AUTS2: variants seen among roughly 807,000 people sequenced by gnomAD.
The protein encoded by AUTS2 is activator of transcription and developmental regulator AUTS2.
In AUTS2, 17 loss-of-function variants were observed where a neutral mutation model predicts 112.4. That is an observed-to-expected ratio of 0.15 (90% CI 0.10 to 0.23). AUTS2 has a LOEUF of 0.23. Among genes scored for constraint, AUTS2 ranks in the 10% least tolerant of loss-of-function variants. The pLI, the probability that AUTS2 is intolerant of heterozygous loss-of-function variation, is 1.00. For missense variants in AUTS2, 1,510 were observed against 1,701.6 expected (o/e 0.89, Z 1.98); for synonymous variants, 751 against 702.7 (o/e 1.07, Z -1.09).
intron 1 of AUTS2, among the ~76,000 whole-genome samples, chr7:69,719,202 C>T (rs977652527): frequency 6.6e-6 from 1 of 152,150 alleles, no homozygotes; most frequent in Admixed American, 6.5e-5. Flanking sequence ...TCTCTGGGGT[C>T]ATATTGAATA....
intron 4 of AUTS2, among the ~76,000 whole-genome samples, chr7:70,269,631 A>C (rs1787592077): frequency 6.6e-6 from 1 of 152,240 alleles, no homozygotes; most frequent in Non-Finnish European, 1.5e-5. Context: ...TTCTTAGAGA[A>C]GATTAGATGC....
At chr7:70,606,594 C>T (rs1254528304) in intron 5 of AUTS2, among the ~76,000 whole-genome samples, 13 of 152,142 alleles carry the variant, frequency 8.5e-5, no homozygotes, top group South Asian at 4.1e-4. Flanking sequence ...GACGTGGTGG[C>T]TCACGCCTGT....
At chr7:70,342,495 T>G (rs1791312018) in intron 4 of AUTS2, among the ~76,000 whole-genome samples, 2 of 152,134 alleles carry the variant, frequency 1.3e-5, no homozygotes, top group Admixed American at 6.6e-5. Flanking sequence ...CCAGTAGAAC[T>G]TCCCATGATG....
At chr7:70,703,555 T>A (rs998525255) in intron 6 of AUTS2, among the ~76,000 whole-genome samples, 1 of 151,146 alleles carries the variant, frequency 6.6e-6, no homozygotes, top group Non-Finnish European at 1.5e-5. Context: ...ATAATGCAGT[T>A]GACTGTGGAA....
chr7:69,910,040 CT>C (rs536596896), intron 2 of AUTS2, among the ~76,000 whole-genome samples: 77 of 152,290 alleles, frequency 5.1e-4, no homozygotes, highest in African/African-American at 1.7e-3. Flanking sequence ...TTGCATGGTA[CT>C]TTGTGAAACT....
intron 2 of AUTS2, among the ~76,000 whole-genome samples, chr7:69,907,588 G>A (rs1254363229): frequency 2.0e-5 from 3 of 152,076 alleles, no homozygotes; most frequent in African/African-American, 7.2e-5. Flanking sequence ...CATTGTTTAG[G>A]CAATAATTAC....
At chr7:69,923,916 C>T (rs1268440421) in intron 2 of AUTS2, among the ~76,000 whole-genome samples, 1 of 152,128 alleles carries the variant, frequency 6.6e-6, no homozygotes, top group Non-Finnish European at 1.5e-5. Context: ...TTCTTTCCTC[C>T]TAATCTGGGT....
intron 2 of AUTS2, among the ~76,000 whole-genome samples, chr7:69,912,111 C>T (rs377559242): frequency 3.3e-5 from 5 of 152,166 alleles, no homozygotes; most frequent in Admixed American, 1.3e-4. Flanking sequence ...AGGGGGCTGG[C>T]GTGTCAATGC....
At chr7:70,100,130 T>C (rs1804408055) in intron 2 of AUTS2, among the ~76,000 whole-genome samples, 1 of 152,252 alleles carries the variant, frequency 6.6e-6, no homozygotes, top group Admixed American at 6.5e-5. Flanking sequence ...GTCTTCAGTA[T>C]TCCAGAAATA....
intron 6 of AUTS2, among the ~76,000 whole-genome samples, chr7:70,758,521 C>T (rs1789363086): frequency 1.3e-5 from 2 of 152,176 alleles, no homozygotes; most frequent in Admixed American, 6.5e-5. Context: ...ATGCAATAAA[C>T]TCACCCTTTT....
At chr7:70,000,036 A>G (rs1244888161) in intron 2 of AUTS2, among the ~76,000 whole-genome samples, 2 of 152,242 alleles carry the variant, frequency 1.3e-5, no homozygotes, top group Non-Finnish European at 2.9e-5. Flanking sequence ...GACTGGATGC[A>G]GTTTTCTGAA....
intron 5 of AUTS2, among the ~76,000 whole-genome samples, chr7:70,618,459 A>G (rs1804495388): frequency 6.6e-6 from 1 of 152,114 alleles, no homozygotes; most frequent in Non-Finnish European, 1.5e-5. Context: ...TTCTCCTCTG[A>G]CCCTCATTAA....
chr7:69,666,907 A>T (rs1250799046), intron 1 of AUTS2, among the ~76,000 whole-genome samples: 1 of 152,164 alleles, frequency 6.6e-6, no homozygotes, highest in East Asian at 1.9e-4. Context: ...ATCCCCAAAA[A>T]CAAAACAAAA....
intron 6 of AUTS2, among the ~76,000 whole-genome samples, chr7:70,721,021 C>G (rs1786620356): frequency 6.6e-6 from 1 of 151,958 alleles, no homozygotes; most frequent in African/African-American, 2.4e-5. Flanking sequence ...TGGATGATTT[C>G]AGGCAAAAAT....
At chr7:69,969,330 G>A (rs537520653) in intron 2 of AUTS2, among the ~76,000 whole-genome samples, 77 of 152,204 alleles carry the variant, frequency 5.1e-4, no homozygotes, top group African/African-American at 1.7e-3. Context: ...TATTCCTTTA[G>A]CAACCAAACA....
chr7:70,428,358 G>T (rs1795517084), intron 4 of AUTS2, among the ~76,000 whole-genome samples: 1 of 152,092 alleles, frequency 6.6e-6, no homozygotes, highest in Admixed American at 6.5e-5. Flanking sequence ...TGGGCAGCTG[G>T]GCAGGGGATG....
intron 1 of AUTS2, among the ~76,000 whole-genome samples, chr7:69,688,996 T>C (rs962686783): frequency 1.3e-5 from 2 of 152,246 alleles, no homozygotes; most frequent in African/African-American, 4.8e-5. Flanking sequence ...TTTTTGTACC[T>C]GAATGAATCC....
chr7:69,846,909 C>T (rs1338106425), intron 1 of AUTS2, among the ~76,000 whole-genome samples: 6 of 152,094 alleles, frequency 3.9e-5, no homozygotes, highest in Non-Finnish European at 7.4e-5. Flanking sequence ...TTAATAATTC[C>T]CATTTTACAG....
At chr7:70,542,817 C>T (rs992763983) in intron 5 of AUTS2, among the ~76,000 whole-genome samples, 17 of 152,170 alleles carry the variant, frequency 1.1e-4, no homozygotes, top group Non-Finnish European at 1.5e-5. Context: ...TTCTGGTGCC[C>T]CAAGCTGACT....
Sources: allele counts gnomAD v4.1 joint callset (sites outside exome capture counted in the v4.1 genomes callset), GRCh38; gene constraint gnomAD v4.1.1; transcripts MANE v1.5; gene names NCBI Gene and HGNC (gene_info 2026-07-23, HGNC 2026-07-21).